The following SCP2 variants were observed in gnomAD, a reference collection of about 807,000 sequenced individuals.
The protein encoded by SCP2 is SCP-2/3-oxoacyl-CoA thiolase.
A neutral mutation model predicts 71.4 loss-of-function variants in SCP2; 48 were observed. That is an observed-to-expected ratio of 0.67 (90% CI 0.53 to 0.86). SCP2 has a LOEUF of 0.86. Among genes scored for constraint, SCP2 ranks in the 40% least tolerant of loss-of-function variants. The pLI is 0.00. For missense variants in SCP2, 560 were observed against 655.6 expected, an observed-to-expected ratio of 0.85 and a Z score of 1.59; for synonymous variants, 220 against 218.1, an observed-to-expected ratio of 1.01 and a Z score of -0.08.
intron 11 of SCP2, among the ~76,000 whole-genome samples, chr1:53,000,550 A>G (rs1660246053): frequency 6.6e-6 from 1 of 152,166 alleles, no homozygotes; most frequent in African/African-American, 2.4e-5. Flanking sequence ...TATTCAGTCA[A>G]CATCAGTTCA....
chr1:52,993,466 C>T (rs1165555773), intron 11 of SCP2: 1 of 1,613,806 alleles, frequency 6.2e-7, no homozygotes, highest in African/African-American at 1.3e-5. Flanking sequence ...CATCACGATC[C>T]TTTACTCTGA....
chr1:53,016,493 A>G (rs1378159615), intron 12 of SCP2, among the ~76,000 whole-genome samples: 1 of 151,986 alleles, frequency 6.6e-6, no homozygotes, highest in Non-Finnish European at 1.5e-5. Context: ...ATGGTCCTCT[A>G]AATATATGGG....
chr1:52,999,436 T>C (rs189130549), intron 11 of SCP2, among the ~76,000 whole-genome samples: 94 of 152,280 alleles, frequency 6.2e-4, no homozygotes, highest in African/African-American at 2.2e-3. Flanking sequence ...TGGTGTTAAT[T>C]TAATTGTAAG....
intron 3 of SCP2, among the ~76,000 whole-genome samples, chr1:52,949,042 T>C (rs1024754899): frequency 5.9e-5 from 9 of 152,156 alleles, no homozygotes; most frequent in African/African-American, 2.2e-4. Flanking sequence ...CTTGAAGATC[T>C]ACTACAGCTT....
intron 5 of SCP2, among the ~76,000 whole-genome samples, chr1:52,959,365 T>C (rs929248263): frequency 6.6e-6 from 1 of 152,034 alleles, no homozygotes; most frequent in East Asian, 1.9e-4. Context: ...CCTGCTAATT[T>C]TGTATTTTTA....
intron 11 of SCP2, among the ~76,000 whole-genome samples, chr1:53,009,975 A>G (rs1181618771): frequency 1.3e-5 from 2 of 152,266 alleles, no homozygotes; most frequent in African/African-American, 4.8e-5. Context: ...AAGGATATGA[A>G]CAGACACTCC....
chr1:53,028,121 G>T, intron 13 of SCP2, 50 bp downstream of exon 13: 1 of 1,028,662 alleles, frequency 9.7e-7, no homozygotes, highest in Non-Finnish European at 1.5e-6. Context: ...GCTAGAGGAA[G>T]CAGACACAGG....
rs1299752766 is a variant in SCP2, at chr1:52,948,070, C to T, written c.189C>T (p.Gly63=). ...PYSAVDQACV[G]YVFGDSTCGQ... ...CAGCAGTGGACCAGGCATGTGTTGGCTATGTTTTTGGTATGTATTAAACTG... is the reference window on the plus strand; with the variant it reads ...CAGCAGTGGACCAGGCATGTGTTGGTTATGTTTTTGGTATGTATTAAACTG... Residue 63 remains glycine (G), a synonymous_variant, in exon 3 of 16, where the codon GGC becomes GGT. Transcript: ENST00000371514. The T allele has an allele frequency of 1.2e-6, 2 of 1,609,826 alleles. No homozygotes were observed. The highest frequency in any genetic ancestry group is 1.7e-6 in the Non-Finnish European group (2 of 1,176,308).
chr1:52,986,745 T>C (rs1397517450), intron 10 of SCP2, among the ~76,000 whole-genome samples: 3 of 151,992 alleles, frequency 2.0e-5, no homozygotes, highest in African/African-American at 7.2e-5. Context: ...ATTTTATAAA[T>C]AGTCATCACT....
rs542278215 is a variant in SCP2 at position 52,927,488 on chromosome 1, T to C, written c.69+23T>C. 14 of 1,575,206 alleles carry C rather than the reference T, an allele frequency of 8.9e-6. No individual in the cohort carries two copies. The African/African-American group carries it at 1.9e-4, about 21-fold the overall frequency. On this transcript the variant is annotated intron_variant, in intron 1 of 15. Transcript: ENST00000371514. ...AAGGTAAACCGAGCAGCGGCCCTGC[T>C]GGCCCTCTGAGGCTCGGGGGCGGTC...
chr1:52,954,075 T>C (rs1335596241), intron 4 of SCP2, among the ~76,000 whole-genome samples: 1 of 146,482 alleles, frequency 6.8e-6, no homozygotes, highest in African/African-American at 2.5e-5. Context: ...ACTTGGGAGG[T>C]CGGGGTGGAC....
At chr1:52,980,575 G>A (rs1557582780) in intron 10 of SCP2, 32 bp downstream of exon 10, 1 of 1,596,544 alleles carries the variant, frequency 6.3e-7, no homozygotes, top group South Asian at 1.1e-5. Flanking sequence ...GATTAATTCA[G>A]TAAATTTCAC....
At chr1:53,003,408 C>T (rs755163627) in intron 11 of SCP2, among the ~76,000 whole-genome samples, 2 of 151,982 alleles carry the variant, frequency 1.3e-5, no homozygotes, top group African/African-American at 2.4e-5. Context: ...TTGGTAGAGA[C>T]GGGCTTTCGC....
At chr1:53,048,053 C>G (rs1362352931) in intron 15 of SCP2, 116 bp downstream of exon 15, 17 of 758,698 alleles carry the variant, frequency 2.2e-5, no homozygotes, top group Admixed American at 3.7e-5. Flanking sequence ...ACTCAGTGTT[C>G]CCCAAACAGT....
chr1:53,043,146 C>T (rs979178275), intron 14 of SCP2, among the ~76,000 whole-genome samples: 1 of 152,168 alleles, frequency 6.6e-6, no homozygotes, highest in South Asian at 2.1e-4. Flanking sequence ...AACAGCCAAA[C>T]CTGGGTTCAG....
At position 53,042,656 on chromosome 1, in the gene SCP2, A is replaced by G. The variant is rs189375856; in HGVS notation, c.1468+3610A>G. Among the ~76,000 whole-genome samples the G allele has an allele frequency of 8.4e-4, 128 of 152,306 alleles. 1 individual carries two copies. Among genetic ancestry groups the G allele is most frequent in the South Asian group, 6.6e-3 (32 of 4,832 alleles). On this transcript the variant is annotated intron_variant, in intron 14 of 15. Coordinates refer to ENST00000371514, the MANE Select transcript of SCP2 (RefSeq NM_002979.5). ...CTTTTACATCAACCAACAAATGGCT[A>G]TTTGTTAGAGATTAGCTACATTAAA...
chr1:52,940,941 G>C (rs1654176126), intron 1 of SCP2, among the ~76,000 whole-genome samples: 2 of 152,060 alleles, frequency 1.3e-5, no homozygotes, highest in Admixed American at 6.5e-5. Context: ...GTAGAGACAG[G>C]GTTCTACCAT....
At chr1:53,028,239 A>G (rs1662274784) in intron 13 of SCP2, among the ~76,000 whole-genome samples, 168 bp downstream of exon 13, 1 of 152,192 alleles carries the variant, frequency 6.6e-6, no homozygotes, top group African/African-American at 2.4e-5. Flanking sequence ...TGTAATTCTA[A>G]AAGGAATGCA....
At chr1:52,972,394 G>C (rs1657576975) in intron 6 of SCP2, among the ~76,000 whole-genome samples, 1 of 152,194 alleles carries the variant, frequency 6.6e-6, no homozygotes, top group Admixed American at 6.5e-5. Flanking sequence ...TCAAGGGGAT[G>C]CTGTCTTTTA....
Sources: allele counts gnomAD v4.1 joint callset (sites outside exome capture counted in the v4.1 genomes callset), GRCh38; gene constraint gnomAD v4.1.1; transcripts MANE v1.5; gene names NCBI Gene and HGNC (gene_info 2026-07-23, HGNC 2026-07-21).